SORCS1: variants seen among roughly 807,000 people sequenced by gnomAD.
SORCS1 encodes sortilin related VPS10 domain containing receptor 1.
SORCS1 carries 60 observed loss-of-function variants against 146.1 expected under a neutral mutation model. That is an observed-to-expected ratio of 0.41 (90% CI 0.33 to 0.51). The LOEUF is 0.51. Ranked by LOEUF, SORCS1 falls within the 20% of genes least tolerant of loss-of-function variation. The probability of loss-of-function intolerance (pLI) is 0.21; values close to 1 mark genes in which losing one functional copy is unlikely to be tolerated. For synonymous variants in SORCS1, 637 were observed against 584.0 expected, an observed-to-expected ratio of 1.09 and a Z score of -1.31; for missense variants, 1,352 against 1,487.6, an observed-to-expected ratio of 0.91 and a Z score of 1.50.
chr10:107,125,179 C>T (rs1966645101), intron 1 of SORCS1, among the ~76,000 whole-genome samples: 1 of 152,030 alleles, frequency 6.6e-6, no homozygotes, highest in African/African-American at 2.4e-5. Context: ...TCTCGATCTC[C>T]TGATCTCATA....
intron 1 of SORCS1, among the ~76,000 whole-genome samples, chr10:107,059,697 T>C (rs1160237235): frequency 6.6e-6 from 1 of 152,094 alleles, no homozygotes; most frequent in Non-Finnish European, 1.5e-5. Flanking sequence ...CTATGAGCTT[T>C]ATTATGAAAG....
chr10:106,968,136 G>A (rs1421345752), intron 1 of SORCS1, among the ~76,000 whole-genome samples: 1 of 152,102 alleles, frequency 6.6e-6, no homozygotes, highest in Admixed American at 6.5e-5. Context: ...CGTGAACCCA[G>A]GAGGCGGAGC....
At chr10:107,082,978 G>A (rs1397526298) in intron 1 of SORCS1, among the ~76,000 whole-genome samples, 14 of 151,708 alleles carry the variant, frequency 9.2e-5, no homozygotes, top group African/African-American at 1.9e-4. Context: ...GCGTGGTGGC[G>A]GGCACCTGTA....
At chr10:107,081,022 A>G (rs964979270) in intron 1 of SORCS1, among the ~76,000 whole-genome samples, 2 of 152,176 alleles carry the variant, frequency 1.3e-5, no homozygotes, top group African/African-American at 4.8e-5. Flanking sequence ...TGCTATTCCC[A>G]TTTTATACAT....
intron 2 of SORCS1, among the ~76,000 whole-genome samples, chr10:106,830,668 G>C (rs929451137): frequency 7.9e-5 from 12 of 151,494 alleles, no homozygotes; most frequent in African/African-American, 2.7e-4. Flanking sequence ...AACCAAGACG[G>C]GTGAATCACT....
intron 25 of SORCS1, chr10:106,579,005 G>C: frequency 6.5e-7 from 1 of 1,531,894 alleles, no homozygotes. Context: ...AAAGAAAGTG[G>C]TTATGTCAAG....
chr10:106,897,058 T>C (rs971007037), intron 2 of SORCS1, among the ~76,000 whole-genome samples: 2 of 151,674 alleles, frequency 1.3e-5, no homozygotes, highest in African/African-American at 4.8e-5. Context: ...GCCCGGCTAA[T>C]TTTTTTGTAT....
chr10:106,971,112 C>T (rs983434641), intron 1 of SORCS1, among the ~76,000 whole-genome samples: 6 of 151,942 alleles, frequency 3.9e-5, no homozygotes, highest in African/African-American at 1.5e-4. Flanking sequence ...TACACTGTTG[C>T]CACCACGATA....
At chr10:106,985,690 C>T (rs1480036033) in intron 1 of SORCS1, among the ~76,000 whole-genome samples, 1 of 152,034 alleles carries the variant, frequency 6.6e-6, no homozygotes, top group African/African-American at 2.4e-5. Context: ...GCGCCCACCA[C>T]CACACCCAGC....
intron 1 of SORCS1, among the ~76,000 whole-genome samples, chr10:107,065,121 G>A (rs929440651): frequency 3.9e-5 from 6 of 152,148 alleles, no homozygotes; most frequent in Non-Finnish European, 7.4e-5. Flanking sequence ...CAAGCCAAAT[G>A]CATTAATTGA....
intron 5 of SORCS1, among the ~76,000 whole-genome samples, chr10:106,733,781 C>T (rs1339387315): frequency 4.6e-5 from 7 of 152,164 alleles, no homozygotes; most frequent in East Asian, 1.9e-4. Context: ...TATCCAAAGA[C>T]GTTGGTAAAT....
At chr10:107,106,802 G>A (rs976066029) in intron 1 of SORCS1, among the ~76,000 whole-genome samples, 2 of 151,994 alleles carry the variant, frequency 1.3e-5, no homozygotes, top group Non-Finnish European at 2.9e-5. Flanking sequence ...TCAGGTCTTG[G>A]GGGCAGAACC....
At chr10:106,644,115 C>T (rs11192989) in intron 18 of SORCS1, among the ~76,000 whole-genome samples, 10,682 of 151,972 alleles carry the variant, frequency 0.07, 454 homozygotes, top group East Asian at 0.2. Context: ...TGCCCAAATA[C>T]CTAGATATAA....
chr10:106,845,288 A>T lies in SORCS1; in HGVS notation c.627-15615T>A, dbSNP rs926303201. Among the ~76,000 whole-genome samples the T allele has an allele frequency of 4.6e-5, 4 of 87,772 alleles. No individual in the cohort carries two copies. In the Admixed American group the frequency reaches 4.7e-4, roughly 10 times the overall value. The allele number at this position is 87,772 out of a possible 152,430, so 57.6% of individuals were successfully genotyped here. ...TGATTGCCATTCTAACTGGTGTGAG[A>T]TGATATCTCATAGTGGTTTTGATTT... On this transcript the variant is annotated intron_variant, in intron 2 of 25. Coordinates refer to ENST00000263054, the MANE Select transcript of SORCS1 (RefSeq NM_052918.5).
chr10:106,866,568 G>T (rs1270890606), intron 2 of SORCS1, among the ~76,000 whole-genome samples: 1 of 152,138 alleles, frequency 6.6e-6, no homozygotes, highest in Non-Finnish European at 1.5e-5. Context: ...GCCAAGCTGC[G>T]ATCTGCAGCC....
intron 1 of SORCS1, among the ~76,000 whole-genome samples, chr10:106,996,710 T>C (rs750871279): frequency 2.0e-4 from 31 of 152,178 alleles, no homozygotes; most frequent in Admixed American, 6.5e-5. Context: ...GCAAGAAAAG[T>C]GCTGATCATT....
intron 1 of SORCS1, among the ~76,000 whole-genome samples, chr10:107,116,639 G>T (rs1014666178): frequency 1.3e-5 from 2 of 152,036 alleles, no homozygotes; most frequent in Admixed American, 1.3e-4. Context: ...AAGTTACCAG[G>T]GACTAGGGGA....
At chr10:107,087,944 A>T (rs138628212) in intron 1 of SORCS1, among the ~76,000 whole-genome samples, 6,608 of 152,214 alleles carry the variant, frequency 0.043, 208 homozygotes, top group Non-Finnish European at 0.069. Context: ...TTTGAGACGG[A>T]GTCTCGCTCT....
rs543456672 is a variant in SORCS1, at chr10:106,609,783, G to A, written c.3033+2128C>T. ...AATGGACAGCTGGTAGAAAGGTGGA[G>A]GTACAGGGCATCTGATCTCTAAGTA... On this transcript the variant is annotated intron_variant, in intron 22 of 25. Coordinates refer to ENST00000263054, the MANE Select transcript of SORCS1 (RefSeq NM_052918.5). Among the ~76,000 whole-genome samples, 431 of 152,328 alleles carry A rather than the reference G, an allele frequency of 2.8e-3. 1 individual carries two copies. The highest frequency in any genetic ancestry group is 3.3e-3 in the Non-Finnish European group (227 of 68,038).
Sources: allele counts gnomAD v4.1 joint callset (sites outside exome capture counted in the v4.1 genomes callset), GRCh38; gene constraint gnomAD v4.1.1; transcripts MANE v1.5; gene names NCBI Gene and HGNC (gene_info 2026-07-23, HGNC 2026-07-21).